Variants in RAC1 observed in about 807,000 individuals in gnomAD.
RAC1 encodes the protein ras-related C3 botulinum toxin substrate 1.
RAC1 carries 2 observed loss-of-function variants against 25.2 expected under a neutral mutation model. The observed-to-expected ratio is 0.08, with a 90% CI of 0.03 to 0.25. The LOEUF (loss-of-function observed/expected upper bound fraction) is 0.25, where lower values mean the gene tolerates loss of function less well. Ranked by LOEUF, RAC1 falls within the 10% of genes least tolerant of loss-of-function variation. The pLI is 1.00. For missense variants in RAC1, 50 were observed against 235.7 expected, an observed-to-expected ratio of 0.21 and a Z score of 5.16; for synonymous variants, 88 against 94.0, an observed-to-expected ratio of 0.94 and a Z score of 0.37.
At chr7:6,389,864 A>G (rs2115197263) in intron 2 of RAC1, among the ~76,000 whole-genome samples, 1 of 152,050 alleles carries the variant, frequency 6.6e-6, no homozygotes, top group Middle Eastern at 3.4e-3. Flanking sequence ...TCTCTTGTGA[A>G]TTGTCTGTTT....
chr7:6,398,620 C>T (rs1202139272), intron 3 of RAC1: 2 of 1,557,140 alleles, frequency 1.3e-6, no homozygotes, highest in Non-Finnish European at 1.8e-6. Context: ...TTGTTGTCCT[C>T]AGTCTGTACT....
At chr7:6,382,003 G>GT (rs1422029959) in intron 1 of RAC1, among the ~76,000 whole-genome samples, 3 of 151,026 alleles carry the variant, frequency 2.0e-5, no homozygotes, top group South Asian at 2.1e-4. Context: ...ACTTTTTTTT[G>GT]TTTTTTGAGT....
chr7:6,378,722 T>TAA (rs1782677512), intron 1 of RAC1, among the ~76,000 whole-genome samples: 1 of 152,150 alleles, frequency 6.6e-6, no homozygotes, highest in Admixed American at 6.6e-5. Context: ...TCCTCCACCT[T>TAA]ACTGCTGCCC....
chr7:6,381,134 A>G (rs184800139), intron 1 of RAC1, among the ~76,000 whole-genome samples: 169 of 152,000 alleles, frequency 1.1e-3, no homozygotes, highest in African/African-American at 3.8e-3. Flanking sequence ...TCCCAAAGTG[A>G]TGGGATTACA....
At chr7:6,391,054 G>T (rs1308903661) in intron 2 of RAC1, among the ~76,000 whole-genome samples, 1 of 151,872 alleles carries the variant, frequency 6.6e-6, no homozygotes, top group Non-Finnish European at 1.5e-5. Flanking sequence ...CTGTCACCAC[G>T]CCCTGGCTAA....
intron 5 of RAC1, 129 bp from the exon 6 acceptor site, chr7:6,402,187 T>C: frequency 6.8e-7 from 1 of 1,461,888 alleles, no homozygotes; most frequent in Non-Finnish European, 9.2e-7. Context: ...AACGTCAGCG[T>C]TGGAAGGTGG....
chr7:6,400,327 G>GTT, intron 4 of RAC1, 139 bp downstream of exon 4: 226 of 604,548 alleles, frequency 3.7e-4, no homozygotes, highest in African/African-American at 5.0e-4. Context: ...ACATGATTGG[G>GTT]TTTTTTTTTT....
rs951297244 is a variant in RAC1, at chr7:6,391,140, C to A, written c.108-784C>A. On this transcript the variant is annotated intron_variant, in intron 2 of 5. Coordinates refer to ENST00000348035, the MANE Select transcript of RAC1 (RefSeq NM_006908.5). ...CTCGAACTCTTGACCTCAGGTGATC[C>A]GCCCACCTCGGCCTCCCAAAGTGCT... Among the ~76,000 whole-genome samples, 7 of 152,264 alleles carry A rather than the reference C, an allele frequency of 4.6e-5. No homozygotes were observed. In the South Asian group the frequency reaches 1.0e-3, roughly 23 times the overall value.
intron 1 of RAC1, among the ~76,000 whole-genome samples, chr7:6,375,300 G>T (rs1434012089): frequency 6.6e-6 from 1 of 151,966 alleles, no homozygotes; most frequent in Non-Finnish European, 1.5e-5. Flanking sequence ...GTGTTGCCCA[G>T]GCCGGTCTCG....
At chr7:6,385,662 C>G (rs1337744321) in intron 1 of RAC1, among the ~76,000 whole-genome samples, 2 of 152,134 alleles carry the variant, frequency 1.3e-5, no homozygotes, top group African/African-American at 4.8e-5. Context: ...TTGTTAAGCC[C>G]TCAATAATGT....
chr7:6,377,542 C>A (rs1782643296), intron 1 of RAC1, among the ~76,000 whole-genome samples: 1 of 152,150 alleles, frequency 6.6e-6, no homozygotes. Context: ...TTGTAGTGAG[C>A]TGAGATTGTG....
In RAC1 at chr7:6,402,310, C is replaced by T. The variant is rs746445505; in HGVS notation, c.449-6C>T. On this transcript the variant is annotated splice_region_variant and splice_polypyrimidine_tract_variant and intron_variant, in intron 5 of 5. Coordinates refer to ENST00000348035, the MANE Select transcript of RAC1 (RefSeq NM_006908.5). ...GTACATTGCCGTGTGGTCGTGTTTC[C>T]TGTAGGTGCTGTAAAATACCTGGAG... is the stretch of plus-strand genomic sequence containing the variant. The T allele has an allele frequency of 6.2e-7, 1 of 1,603,036 alleles. No homozygotes were observed. The highest frequency in any genetic ancestry group is 1.1e-5 in the South Asian group (1 of 89,842).
chr7:6,376,685 T>G (rs1318784775), intron 1 of RAC1, among the ~76,000 whole-genome samples: 1 of 148,486 alleles, frequency 6.7e-6, no homozygotes, highest in African/African-American at 2.5e-5. Flanking sequence ...TTTTTTTTTT[T>G]TTTTTGTATT....
chr7:6,401,464 T>G (rs752233912), intron 4 of RAC1, among the ~76,000 whole-genome samples: 40 of 152,216 alleles, frequency 2.6e-4, no homozygotes, highest in Non-Finnish European at 4.6e-4. Context: ...ACCTGAGACC[T>G]TGGGCTAGGT....
In RAC1 at chr7:6,402,383, G is replaced by T. The variant is rs140589960; in HGVS notation, c.516G>T (p.Ala172=). ...QRGLKTVFDE[A]IRAVLCPPPV... is the part of the protein sequence containing the mutation. ...GCCTCAAGACAGTGTTTGACGAAGCGATCCGAGCAGTCCTCTGCCCGCCTC... is the reference window on the plus strand; with the variant it reads ...GCCTCAAGACAGTGTTTGACGAAGCTATCCGAGCAGTCCTCTGCCCGCCTC... The change falls in exon 6 of 6, where the codon GCG becomes GCT. Residue 172 remains alanine, a synonymous_variant. Coordinates refer to ENST00000348035, the MANE Select transcript of RAC1 (RefSeq NM_006908.5). 6.2e-7 allele frequency: 1 copy of T among 1,611,716 alleles called. No homozygotes were observed. The highest frequency in any genetic ancestry group is 8.5e-7 in the Non-Finnish European group (1 of 1,179,686).
In RAC1 at chr7:6,403,461, C is replaced by A. The variant is rs1045235905; in HGVS notation, c.*1015C>A. 9.2e-6 allele frequency: 2 copies of A among 217,092 alleles called. No individual in the cohort carries two copies. The highest frequency in any genetic ancestry group is 4.5e-5 in the African/African-American group (2 of 44,426). The allele number at this position is 217,092 out of a possible 1,614,324, so 13.4% of individuals were successfully genotyped here. A position where few individuals can be genotyped will look rare whatever the true frequency, so the allele number is the denominator to read the frequency against. On this transcript the variant is annotated 3_prime_UTR_variant, in exon 6 of 6. Transcript: ENST00000348035. The stretch of plus-strand genomic sequence containing the variant: ...AATATGCCTCCTTGTATTATAAAAT[C>A]TTTCTGATAATGCATTAGAAGGTTT...
intron 1 of RAC1, among the ~76,000 whole-genome samples, chr7:6,381,911 C>G (rs529918812): frequency 6.6e-6 from 1 of 151,964 alleles, no homozygotes; most frequent in South Asian, 2.1e-4. Context: ...GACCTTCATG[C>G]GAGGTCTTTA....
At chr7:6,390,343 T>G (rs926031101) in intron 2 of RAC1, among the ~76,000 whole-genome samples, 1 of 152,042 alleles carries the variant, frequency 6.6e-6, no homozygotes, top group Non-Finnish European at 1.5e-5. Context: ...GGCTCACACC[T>G]GTAATTCCAG....
intron 2 of RAC1, among the ~76,000 whole-genome samples, chr7:6,388,188 C>A (rs1029748725): frequency 6.6e-6 from 1 of 151,946 alleles, no homozygotes; most frequent in Non-Finnish European, 1.5e-5. Flanking sequence ...AGCTGAGCCT[C>A]ATAATGCACC....
Sources: allele counts gnomAD v4.1 joint callset (sites outside exome capture counted in the v4.1 genomes callset), GRCh38; gene constraint gnomAD v4.1.1; transcripts MANE v1.5; gene names NCBI Gene and HGNC (gene_info 2026-07-23, HGNC 2026-07-21).